Variants in SLC25A37 observed in about 807,000 individuals in gnomAD.
The protein encoded by SLC25A37 is mitoferrin-1.
Under a neutral mutation model 31.0 loss-of-function variants are expected in SLC25A37, and 17 were observed. The ratio of observed to expected loss-of-function variants is 0.55; its 90% CI spans 0.38 to 0.82. The LOEUF (loss-of-function observed/expected upper bound fraction) is 0.82. Among genes scored for constraint, SLC25A37 ranks in the 40% least tolerant of loss-of-function variants. The probability of loss-of-function intolerance (pLI) is 0.00; values close to 1 mark genes in which losing one functional copy is unlikely to be tolerated. For missense variants in SLC25A37, 404 were observed against 465.8 expected (o/e 0.87, Z 1.22); for synonymous variants, 222 against 193.0 (o/e 1.15, Z -1.24).
intron 1 of SLC25A37, among the ~76,000 whole-genome samples, chr8:23,543,720 A>G (rs1225980074): frequency 1.3e-5 from 2 of 151,942 alleles, no homozygotes; most frequent in Non-Finnish European, 2.9e-5. Flanking sequence ...TTTTTAGTAG[A>G]GATGGGGTTT....
In SLC25A37 at chr8:23,566,992, G is replaced by C. The variant is rs369425082; in HGVS notation, c.439+656G>C. ...TTGTTTTGAGGGAGAGAGGCGGGGT[G>C]GGGGGGTGCAAATCTGCCAGCAGCT... On this transcript the variant is annotated intron_variant, in intron 2 of 3. Transcript: ENST00000519973. 41 of 241,886 alleles carry C rather than the reference G, an allele frequency of 1.7e-4. No homozygotes were observed. In the East Asian group the frequency reaches 6.7e-3, roughly 39 times the overall value. 15.0% of individuals were successfully genotyped at this position (241,886 alleles called of 1,614,324 possible).
In SLC25A37 at chr8:23,528,971, C is replaced by T. The variant is rs1456493130; in HGVS notation, c.-32C>T. ...GCCCCTCCCCCTCCCTGCCCACCTCCTGCAGCCTCCTGCGCCCCGCCGAGC... is the reference window on the plus strand; with the variant it reads ...GCCCCTCCCCCTCCCTGCCCACCTCTTGCAGCCTCCTGCGCCCCGCCGAGC... On this transcript the variant is annotated 5_prime_UTR_variant, in exon 1 of 4. Transcript: ENST00000519973. 3 of 1,446,946 alleles carry T rather than the reference C, an allele frequency of 2.1e-6. No homozygotes were observed. The highest frequency in any genetic ancestry group is 2.7e-6 in the Non-Finnish European group (3 of 1,098,192). The allele number at this position is 1,446,946 out of a possible 1,614,324, so 89.6% of individuals were successfully genotyped here. A position where few individuals can be genotyped will look rare whatever the true frequency, so the allele number is the denominator to read the frequency against.
chr8:23,558,433 G>T (rs1050666388), intron 1 of SLC25A37, among the ~76,000 whole-genome samples: 1 of 152,182 alleles, frequency 6.6e-6, no homozygotes, highest in East Asian at 1.9e-4. Flanking sequence ...AAAGGCAGGG[G>T]CTGGGCTGGA....
intron 1 of SLC25A37, among the ~76,000 whole-genome samples, chr8:23,532,927 C>G (rs888812814): frequency 1.3e-5 from 2 of 152,218 alleles, no homozygotes; most frequent in South Asian, 2.1e-4. Flanking sequence ...AAGTGCAGTT[C>G]GGTCCATGCC....
At chr8:23,531,357 T>C (rs1020117243) in intron 1 of SLC25A37, among the ~76,000 whole-genome samples, 2 of 152,316 alleles carry the variant, frequency 1.3e-5, no homozygotes, top group Admixed American at 6.5e-5. Context: ...GAAACCCGGG[T>C]TGGGCTTCAA....
chr8:23,546,087 A>T (rs1040749272), intron 1 of SLC25A37, among the ~76,000 whole-genome samples: 30 of 151,826 alleles, frequency 2.0e-4, no homozygotes, highest in African/African-American at 6.8e-4. Context: ...TTGAGCTGAG[A>T]TCATGCCATT....
At position 23,572,236 on chromosome 8, in the gene SLC25A37, AAAAAAAAAAAAATTT is replaced by A. The variant is rs1802878353; in HGVS notation, c.*383_*397del. The A allele has an allele frequency of 2.0e-5, 1 of 49,498 alleles. No homozygotes were observed. The allele number at this position is 49,498 out of a possible 1,614,324, so 3.1% of individuals were successfully genotyped here. A position where few individuals can be genotyped will look rare whatever the true frequency, so the allele number is the denominator to read the frequency against. The stretch of plus-strand genomic sequence containing the variant: ...AAAAAAAAAAAAAAAAAAAAAAAAA[AAAAAAAAAAAAATTT>A]ATGTATATAAAAGTTGCATTACACA... On this transcript the variant is annotated 3_prime_UTR_variant, in exon 4 of 4. Transcript: ENST00000519973.
chr8:23,559,666 C>T (rs1174913237), intron 1 of SLC25A37, among the ~76,000 whole-genome samples: 1 of 152,144 alleles, frequency 6.6e-6, no homozygotes, highest in African/African-American at 2.4e-5. Context: ...TCCCTCCTCA[C>T]CCCAGCCCCT....
Position 23,529,260 on chromosome 8 carries a change from C to A in SLC25A37, c.210+48C>A, listed in dbSNP as rs1441482663. On this transcript the variant is annotated intron_variant, in intron 1 of 3. Transcript: ENST00000519973. The surrounding 1 kb of genome is among the most constrained non-coding windows in gnomAD (Gnocchi z 4.1). ...GGACGCAACGAGCGGAGAAGGAGCGCGCGCGCGCATTTGCATCCCGCGCGC... is the reference window on the plus strand; with the variant it reads ...GGACGCAACGAGCGGAGAAGGAGCGAGCGCGCGCATTTGCATCCCGCGCGC... The A allele has an allele frequency of 6.5e-7, 1 of 1,545,418 alleles. No homozygotes were observed. The highest frequency in any genetic ancestry group is 8.7e-7 in the Non-Finnish European group (1 of 1,143,186).
chr8:23,559,703 A>G (rs1802464641), intron 1 of SLC25A37, among the ~76,000 whole-genome samples: 1 of 152,052 alleles, frequency 6.6e-6, no homozygotes, highest in African/African-American at 2.4e-5. Flanking sequence ...CTTTTTGTCT[A>G]CAAATTTGAC....
chr8:23,574,080 G>A lies in SLC25A37; in HGVS notation c.*2225G>A. 2 of 335,328 alleles carry A rather than the reference G, an allele frequency of 6.0e-6. No individual in the cohort carries two copies. The highest frequency in any genetic ancestry group is 2.3e-5 in the South Asian group (1 of 43,168). The allele number at this position is 335,328 out of a possible 1,614,324, so 20.8% of individuals were successfully genotyped here. ...CTTAAGATATGCCACGCTGAAGCAA[G>A]GTATTTCCTACTGGATTTTGCTTTC... On this transcript the variant is annotated 3_prime_UTR_variant, in exon 4 of 4. Coordinates refer to ENST00000519973, the MANE Select transcript of SLC25A37 (RefSeq NM_016612.4).
At chr8:23,553,147 G>A (rs1275140511) in intron 1 of SLC25A37, among the ~76,000 whole-genome samples, 2 of 152,240 alleles carry the variant, frequency 1.3e-5, no homozygotes, top group East Asian at 3.9e-4. Context: ...TTGGCTGGGT[G>A]CAGTGGCTCA....
chr8:23,564,574 A>G (rs911555226), intron 1 of SLC25A37, among the ~76,000 whole-genome samples: 3 of 151,678 alleles, frequency 2.0e-5, no homozygotes, highest in Non-Finnish European at 4.4e-5. Flanking sequence ...GAGGGAATGT[A>G]GTGACTTTGG....
Position 23,571,691 on chromosome 8 carries a change from G to A in SLC25A37, c.853G>A (p.Ala285Thr). Residue 285 changes from alanine to threonine, a missense_variant, in exon 4 of 4, where the codon GCC (alanine) becomes ACC (threonine). By Grantham distance (58) the Ala-to-Thr change is moderately conservative. Coordinates refer to ENST00000519973, the MANE Select transcript of SLC25A37 (RefSeq NM_016612.4). Reference sequence around the variant, plus strand: ...CGGCCGGCTGTCGGGTATGGCCAATGCCTTCCGGACGGTGTACCAGCTCAA... The same window carrying A: ...CGGCCGGCTGTCGGGTATGGCCAATACCTTCCGGACGGTGTACCAGCTCAA... ...ISGRLSGMAN[A>T]FRTVYQLNGL... 1 of 1,613,970 alleles carries A rather than the reference G, an allele frequency of 6.2e-7. No individual in the cohort carries two copies.
chr8:23,546,797 C>T (rs893289182), intron 1 of SLC25A37, among the ~76,000 whole-genome samples: 5 of 151,752 alleles, frequency 3.3e-5, no homozygotes, highest in African/African-American at 1.2e-4. Context: ...TGGAATGACT[C>T]TTAGCTACTT....
chr8:23,541,673 A>T (rs1801897899), intron 1 of SLC25A37: 1 of 152,268 alleles, frequency 6.6e-6, no homozygotes, highest in Admixed American at 6.5e-5. Flanking sequence ...AGTGCCTCTG[A>T]CTCACGGCAC....
intron 1 of SLC25A37, among the ~76,000 whole-genome samples, chr8:23,553,582 G>A (rs17089355): frequency 0.016 from 2,513 of 152,310 alleles, 59 homozygotes; most frequent in South Asian, 0.1. Flanking sequence ...AGTGAATTCA[G>A]TTCTCTCTTG....
chr8:23,540,206 T>A (rs1216832837), intron 1 of SLC25A37, among the ~76,000 whole-genome samples: 3 of 152,202 alleles, frequency 2.0e-5, no homozygotes, highest in Admixed American at 6.5e-5. Flanking sequence ...TCAGAAAAAT[T>A]ACATGCCCTA....
chr8:23,556,677 T>C lies in SLC25A37; in HGVS notation c.211-9431T>C, dbSNP rs541162410. On this transcript the variant is annotated intron_variant, in intron 1 of 3. Coordinates refer to ENST00000519973, the MANE Select transcript of SLC25A37 (RefSeq NM_016612.4). ...ATATGTATTATATGTATATTCTCTT[T>C]GTGTATTTATTTTTGCCAGTTTGGG... Among the ~76,000 whole-genome samples the C allele has an allele frequency of 1.9e-4, 29 of 152,250 alleles. 1 individual carries two copies. The South Asian group carries it at 5.6e-3, about 29-fold the overall frequency.
Sources: gnomAD v4.1 joint callset for allele counts (sites outside exome capture counted in the v4.1 genomes callset) on GRCh38, gnomAD v4.1.1 for gene constraint, Gnocchi (gnomAD v3.1) non-coding constraint, MANE v1.5 for transcripts, NCBI Gene and HGNC (gene_info 2026-07-23, HGNC 2026-07-21) for gene names.